The following ZSCAN5B variants were observed in gnomAD, a reference collection of about 807,000 sequenced individuals.
ZSCAN5B encodes the protein zinc finger and SCAN domain containing 5B.
ZSCAN5B carries 26 observed loss-of-function variants against 25.2 expected under a neutral mutation model. The observed-to-expected ratio is 1.03, with a 90% CI of 0.76 to 1.43. The LOEUF (loss-of-function observed/expected upper bound fraction) is 1.43. Ranked by LOEUF, ZSCAN5B falls within the 40% of genes most tolerant of loss-of-function variation. ZSCAN5B has a pLI of 0.00. For missense variants in ZSCAN5B, 745 were observed against 622.1 expected (o/e 1.20, Z -2.10); for synonymous variants, 244 against 240.9 (o/e 1.01, Z -0.12).
chr19:56,195,453 A>G (rs1395478128), intron 1 of ZSCAN5B, among the ~76,000 whole-genome samples: 1 of 151,746 alleles, frequency 6.6e-6, no homozygotes, highest in Non-Finnish European at 1.5e-5. Flanking sequence ...CGCCTGCTAG[A>G]GTGGCTGTTC....
At chr19:56,190,107 C>A (rs536136249) in exon 5 of ZSCAN5B, 2 of 1,613,862 alleles carry the variant, frequency 1.2e-6, no homozygotes, top group Admixed American at 1.7e-5. Flanking sequence ...AGTGTGGACT[C>A]GCTGGTGAAC....
In ZSCAN5B at chr19:56,195,201, G is replaced by A. The variant is rs1018921661; in HGVS notation, c.-127-2022C>T. On this transcript the variant is annotated intron_variant, in intron 1 of 4. Coordinates refer to ENST00000586855, the Ensembl canonical transcript of ZSCAN5B. ...AGCCAGGGAGACAATCGGCAGAGGCGGGAGACAACCCAGAGGAGGAGACAA... is the reference window on the plus strand; with the variant it reads ...AGCCAGGGAGACAATCGGCAGAGGCAGGAGACAACCCAGAGGAGGAGACAA... Among the ~76,000 whole-genome samples the A allele has an allele frequency of 3.0e-4, 45 of 151,870 alleles. No individual in the cohort carries two copies. In the East Asian group the frequency reaches 5.4e-3, roughly 18 times the overall value.
chr19:56,191,543 G>A (rs17753438), intron 3 of ZSCAN5B, among the ~76,000 whole-genome samples: 7,315 of 152,188 alleles, frequency 0.048, 462 homozygotes, highest in East Asian at 0.26. Context: ...ATGTCTTTGC[G>A]GAAACTGGAT....
chr19:56,193,757 T>C (rs1289726308), intron 1 of ZSCAN5B, among the ~76,000 whole-genome samples: 4 of 152,124 alleles, frequency 2.6e-5, no homozygotes, highest in Non-Finnish European at 5.9e-5. Flanking sequence ...GGTCAGGAGA[T>C]CGAGACCATC....
At chr19:56,191,288 C>G (rs1043022996) in intron 3 of ZSCAN5B, among the ~76,000 whole-genome samples, 3 of 152,210 alleles carry the variant, frequency 2.0e-5, no homozygotes, top group African/African-American at 7.2e-5. Context: ...CCCCTAACCC[C>G]TGGCACCATT....
chr19:56,194,915 C>CT (rs1568586529), intron 1 of ZSCAN5B, among the ~76,000 whole-genome samples: 1 of 151,698 alleles, frequency 6.6e-6, no homozygotes, highest in African/African-American at 2.4e-5. Context: ...ATTTTTTTTT[C>CT]TTTTTAAATT....
chr19:56,197,694 C>T (rs1366265537), intron 1 of ZSCAN5B, 40 bp downstream of exon 1: 1 of 975,772 alleles, frequency 1.0e-6, no homozygotes, highest in Non-Finnish European at 1.2e-6. Context: ...CCCCGCATGC[C>T]AGCTCCGAAA....
At chr19:56,195,653 C>T (rs1349194013) in intron 1 of ZSCAN5B, among the ~76,000 whole-genome samples, 1 of 152,020 alleles carries the variant, frequency 6.6e-6, no homozygotes, top group African/African-American at 2.4e-5. Flanking sequence ...GAAAGGAAAT[C>T]AGGACGTGGA....
intron 1 of ZSCAN5B, among the ~76,000 whole-genome samples, chr19:56,193,733 C>T (rs1376372629): frequency 6.6e-6 from 1 of 152,078 alleles, no homozygotes; most frequent in Non-Finnish European, 1.5e-5. Flanking sequence ...GAGGCCGAGG[C>T]GGGTGGATCA....
At chr19:56,192,489 A>C (rs182492442) in intron 2 of ZSCAN5B, among the ~76,000 whole-genome samples, 180 bp downstream of exon 2, 1 of 152,262 alleles carries the variant, frequency 6.6e-6, no homozygotes, top group Non-Finnish European at 1.5e-5. Flanking sequence ...CTAATATTTT[A>C]CCAATGTCTT....
chr19:56,192,880 G>A (rs764017306), exon 2 of ZSCAN5B: 30 of 1,614,040 alleles, frequency 1.9e-5, no homozygotes, highest in Non-Finnish European at 2.3e-5. Context: ...AGCCTGGATG[G>A]GGTCCGACTC....
rs767394896 is a variant in ZSCAN5B, at chr19:56,190,996, G to T, written c.589-9C>A. On this transcript the variant is annotated splice_polypyrimidine_tract_variant and intron_variant, in intron 3 of 4. Transcript: ENST00000586855. ...AGCAGAAAGTCCTCTCCCTGAAGAGGAAAAACCAAGAGCAATGACTGCCGT... is the reference window on the plus strand; with the variant it reads ...AGCAGAAAGTCCTCTCCCTGAAGAGTAAAAACCAAGAGCAATGACTGCCGT... 1 of 1,613,640 alleles carries T rather than the reference G, an allele frequency of 6.2e-7. No homozygotes were observed. The highest frequency in any genetic ancestry group is 8.5e-7 in the Non-Finnish European group (1 of 1,179,916).
rs184110508 is a variant in ZSCAN5B at position 56,194,373 on chromosome 19, G to C, written c.-127-1194C>G. 2.2e-3 allele frequency among the ~76,000 whole-genome samples: 339 copies of C among 151,948 alleles called. 1 individual carries two copies. The highest frequency in any genetic ancestry group is 0.02 in the East Asian group (103 of 5,174). ...GGAAATTTGCAGTCATGGTTCCCTC[G>C]GCCTCAACCTGGGCTCCAGTGATCC... is the stretch of plus-strand genomic sequence containing the variant. On this transcript the variant is annotated intron_variant, in intron 1 of 4. Coordinates refer to ENST00000586855, the Ensembl canonical transcript of ZSCAN5B.
chr19:56,192,935 G>T, exon 2 of ZSCAN5B: 1 of 1,613,884 alleles, frequency 6.2e-7, no homozygotes, highest in Non-Finnish European at 8.5e-7. Flanking sequence ...CAAGTCTCAG[G>T]GTTCCTGTCG....
chr19:56,196,368 A>T (rs900383683), intron 1 of ZSCAN5B, among the ~76,000 whole-genome samples: 58 of 152,160 alleles, frequency 3.8e-4, no homozygotes, highest in African/African-American at 8.9e-4. Flanking sequence ...ACTTTTTTTT[A>T]AAAAAATAAA....
rs2032797359 is a variant in ZSCAN5B, at chr19:56,195,364, G to A, written c.-127-2185C>T. 1.3e-5 allele frequency among the ~76,000 whole-genome samples: 2 copies of A among 152,128 alleles called. 1 individual carries two copies. The highest frequency in any genetic ancestry group is 4.1e-4 in the South Asian group (2 of 4,826). The stretch of plus-strand genomic sequence containing the variant: ...ACATCTCAGATGAAGACATGTGAAT[G>A]GCCAGCAGGTCTAGGAAAAGGTGCT... On this transcript the variant is annotated intron_variant, in intron 1 of 4. Transcript: ENST00000586855.
At chr19:56,196,897 A>G (rs1186146130) in intron 1 of ZSCAN5B, among the ~76,000 whole-genome samples, 1 of 152,148 alleles carries the variant, frequency 6.6e-6, no homozygotes, top group South Asian at 2.1e-4. Context: ...GAAAGCGGAG[A>G]TCGAGGCTGA....
chr19:56,193,020 C>G (rs757903505), exon 2 of ZSCAN5B: 2 of 1,590,900 alleles, frequency 1.3e-6, no homozygotes, highest in Non-Finnish European at 1.7e-6. Context: ...AGGGTCCTCC[C>G]TGACCCCATG....
chr19:56,196,114 C>T (rs1288110761), intron 1 of ZSCAN5B, among the ~76,000 whole-genome samples: 3 of 152,196 alleles, frequency 2.0e-5, no homozygotes, highest in African/African-American at 4.8e-5. Flanking sequence ...GTGCAGTGGC[C>T]GATCTGGGCT....
Sources: gnomAD v4.1 joint callset for allele counts (sites outside exome capture counted in the v4.1 genomes callset) on GRCh38, gnomAD v4.1.1 for gene constraint, MANE v1.5 for transcripts, NCBI Gene and HGNC (gene_info 2026-07-23, HGNC 2026-07-21) for gene names.